The following KIAA1217 variants were observed in gnomAD, a reference collection of about 807,000 sequenced individuals.
The protein encoded by KIAA1217 is sickle tail protein homolog.
In KIAA1217, 88 loss-of-function variants were observed where a neutral mutation model predicts 163.9. That is an observed-to-expected ratio of 0.54 (90% CI 0.45 to 0.64). The LOEUF (loss-of-function observed/expected upper bound fraction) is 0.64. Ranked by LOEUF, KIAA1217 falls within the 30% of genes least tolerant of loss-of-function variation. The pLI, the probability that KIAA1217 is intolerant of heterozygous loss-of-function variation, is 0.00. For missense variants in KIAA1217, 2,372 were observed against 2,475.0 expected (o/e 0.96, Z 0.88); for synonymous variants, 903 against 923.1 (o/e 0.98, Z 0.39).
At chr10:23,758,738 G>A (rs113742702) in intron 1 of KIAA1217, among the ~76,000 whole-genome samples, 53 of 140,156 alleles carry the variant, frequency 3.8e-4, no homozygotes, top group Non-Finnish European at 5.7e-4. Context: ...CCAGGCTGGA[G>A]TGTAATGGCG....
intron 1 of KIAA1217, among the ~76,000 whole-genome samples, chr10:23,932,297 T>C (rs556138975): frequency 4.9e-4 from 75 of 152,302 alleles, no homozygotes; most frequent in African/African-American, 1.7e-3. Flanking sequence ...ATGTAATTGA[T>C]GAAAATAGCT....
At chr10:24,372,027 A>T (rs955771383) in intron 2 of KIAA1217, among the ~76,000 whole-genome samples, 1 of 152,180 alleles carries the variant, frequency 6.6e-6, no homozygotes, top group African/African-American at 2.4e-5. Flanking sequence ...TAAAGATGGC[A>T]ATAATAGACA....
intron 1 of KIAA1217, among the ~76,000 whole-genome samples, chr10:23,809,513 G>A (rs1205861228): frequency 1.3e-5 from 2 of 151,938 alleles, no homozygotes; most frequent in East Asian, 1.9e-4. Context: ...AAGAAAAAAA[G>A]GAAAAGCAAG....
chr10:24,143,823 AAAAAACAAAAAC>A (rs1564750752), intron 2 of KIAA1217, among the ~76,000 whole-genome samples: 1 of 151,862 alleles, frequency 6.6e-6, no homozygotes, highest in Non-Finnish European at 1.5e-5. Context: ...TTAAAAAAAA[AAAAAACAAAAAC>A]AAAAAACCAG....
intron 2 of KIAA1217, among the ~76,000 whole-genome samples, chr10:24,075,396 C>G (rs572432790): frequency 3.3e-5 from 5 of 151,828 alleles, no homozygotes; most frequent in African/African-American, 1.2e-4. Context: ...ACTGTTTTTA[C>G]TACATATTTT....
chr10:24,126,787 G>A (rs1219916993), intron 2 of KIAA1217, among the ~76,000 whole-genome samples: 3 of 151,224 alleles, frequency 2.0e-5, no homozygotes, highest in East Asian at 1.9e-4. Context: ...CATCATTATG[G>A]TGCCCATTTA....
chr10:24,141,225 A>ACAC (rs2064056634), intron 2 of KIAA1217, among the ~76,000 whole-genome samples: 1 of 76,256 alleles, frequency 1.3e-5, no homozygotes, highest in South Asian at 7.2e-4. Flanking sequence ...GAAAGAATAA[A>ACAC]CCCCCCCCCC....
chr10:24,191,227 ATT>A (rs1396948995), intron 2 of KIAA1217, among the ~76,000 whole-genome samples: 1 of 152,202 alleles, frequency 6.6e-6, no homozygotes, highest in East Asian at 1.9e-4. Flanking sequence ...ACATTGTCTA[ATT>A]TTTTCATAAT....
chr10:24,517,330 C>A (rs1397370427), intron 10 of KIAA1217, among the ~76,000 whole-genome samples: 1 of 151,966 alleles, frequency 6.6e-6, no homozygotes, highest in Non-Finnish European at 1.5e-5. Flanking sequence ...CTGGAAATAG[C>A]TAGAAGAGAA....
intron 6 of KIAA1217, chr10:24,481,558 T>A (rs968175839): frequency 2.0e-5 from 3 of 152,142 alleles, no homozygotes; most frequent in Non-Finnish European, 2.9e-5. Context: ...ACGTTTTCCT[T>A]GAAAACAATG....
chr10:23,817,836 T>C (rs1387243075), intron 1 of KIAA1217, among the ~76,000 whole-genome samples: 1 of 151,018 alleles, frequency 6.6e-6, no homozygotes, highest in African/African-American at 2.4e-5. Context: ...ATACTTGTAA[T>C]CCCAACATTT....
chr10:23,847,865 T>G (rs2131086208), intron 1 of KIAA1217, among the ~76,000 whole-genome samples: 1 of 152,288 alleles, frequency 6.6e-6, no homozygotes, highest in South Asian at 2.1e-4. Context: ...GTGCTATAAA[T>G]TTCCCTCTAT....
chr10:23,712,650 G>A lies in KIAA1217; in HGVS notation c.-321+17416G>A, dbSNP rs145696196. ...AGCCAAATTAATATTCATTGCAAAT[G>A]TCAGGAGCAGTTGAGTTTTCTTTTC... is the stretch of plus-strand genomic sequence containing the variant. On this transcript the variant is annotated intron_variant, in intron 1 of 18. Coordinates refer to the KIAA1217 transcript ENST00000376462. Among the ~76,000 whole-genome samples the A allele has an allele frequency of 4.0e-3, 611 of 152,098 alleles. 2 individuals are homozygous for A. Among genetic ancestry groups the A allele is most frequent in the African/African-American group, 0.014 (583 of 41,494 alleles).
intron 2 of KIAA1217, among the ~76,000 whole-genome samples, chr10:24,274,795 T>G (rs1300344929): frequency 1.3e-5 from 2 of 152,212 alleles, no homozygotes; most frequent in Non-Finnish European, 2.9e-5. Context: ...AGCATTGAAC[T>G]AAGCTTATCT....
intron 17 of KIAA1217, among the ~76,000 whole-genome samples, chr10:24,542,064 A>G (rs1397037589): frequency 6.6e-6 from 1 of 152,162 alleles, no homozygotes; most frequent in African/African-American, 2.4e-5. Context: ...CTGCATTTCA[A>G]TCTGTCATTT....
chr10:24,521,422 G>C (rs983259734), intron 11 of KIAA1217, among the ~76,000 whole-genome samples: 1 of 151,720 alleles, frequency 6.6e-6, no homozygotes, highest in Non-Finnish European at 1.5e-5. Context: ...CAGGAGGATC[G>C]CTTGAGCCCA....
chr10:24,158,288 G>C, intron 2 of KIAA1217: 1 of 706,878 alleles, frequency 1.4e-6, no homozygotes, highest in Non-Finnish European at 2.7e-6. Flanking sequence ...TCTCCTTCCC[G>C]GTTGGATCCT....
chr10:24,323,921 A>G (rs1490414914), intron 2 of KIAA1217, among the ~76,000 whole-genome samples: 2 of 151,932 alleles, frequency 1.3e-5, no homozygotes, highest in Admixed American at 1.3e-4. Flanking sequence ...GTATGTTTCT[A>G]AAAATCAAAG....
rs1296939452 is a variant in KIAA1217 at position 24,543,633 on chromosome 10, T to C, written c.4363T>C (p.Ser1455Pro). Reference sequence around the variant, plus strand: ...TTTCGATGAGCCCATGGACATCCGGTCTGCCTATAAGAGACTTTCAACTAT... The same window carrying C: ...TTTCGATGAGCCCATGGACATCCGGCCTGCCTATAAGAGACTTTCAACTAT... The part of the protein sequence containing the change: ...IIFDEPMDIR[S>P]AYKRLSTIFE... The change falls in exon 19 of 21, where the codon TCT becomes CCT. Residue 1455 changes from serine (S) to proline (P), a missense_variant. Coordinates refer to ENST00000376454, the MANE Select transcript of KIAA1217 (RefSeq NM_019590.5). 1 of 1,613,968 alleles carries C rather than the reference T, an allele frequency of 6.2e-7. No homozygotes were observed. Among genetic ancestry groups the C allele is most frequent in the Non-Finnish European group, 8.5e-7 (1 of 1,180,022 alleles).
Sources: allele counts gnomAD v4.1 joint callset (sites outside exome capture counted in the v4.1 genomes callset), GRCh38; gene constraint gnomAD v4.1.1; transcripts MANE v1.5; gene names NCBI Gene and HGNC (gene_info 2026-07-23, HGNC 2026-07-21).